The following GRAMD2B variants were observed in gnomAD, a reference collection of about 807,000 sequenced individuals.
GRAMD2B encodes GRAM domain containing 2B.
GRAMD2B carries 41 observed loss-of-function variants against 59.2 expected under a neutral mutation model. The observed-to-expected ratio is 0.69, with a 90% CI of 0.54 to 0.90. GRAMD2B has a LOEUF of 0.90. Ranked by LOEUF, GRAMD2B falls within the 40% of genes least tolerant of loss-of-function variation. The probability of loss-of-function intolerance (pLI) is 0.00; values close to 1 mark genes in which losing one functional copy is unlikely to be tolerated. For missense variants in GRAMD2B, 424 were observed against 500.5 expected (o/e 0.85, Z 1.46); for synonymous variants, 161 against 182.7 (o/e 0.88, Z 0.96).
At chr5:126,436,332 T>C (rs1217003900) in intron 1 of GRAMD2B, among the ~76,000 whole-genome samples, 6 of 152,200 alleles carry the variant, frequency 3.9e-5, no homozygotes, top group Admixed American at 2.6e-4. Flanking sequence ...GTTATTAGCA[T>C]GTATTAGGCA....
chr5:126,364,248 A>G (rs1013320511), intron 1 of GRAMD2B, among the ~76,000 whole-genome samples: 2 of 152,260 alleles, frequency 1.3e-5, no homozygotes, highest in Admixed American at 1.3e-4. Context: ...GTAGCACAGT[A>G]AGAATACAAA....
chr5:126,483,819 G>A (rs568402152), intron 9 of GRAMD2B, among the ~76,000 whole-genome samples: 25 of 152,258 alleles, frequency 1.6e-4, no homozygotes, highest in African/African-American at 5.1e-4. Flanking sequence ...TAGACCTAAC[G>A]TTGGGGTGGT....
chr5:126,486,840 C>A, intron 11 of GRAMD2B, 33 bp from the exon 12 acceptor site: 1 of 1,363,524 alleles, frequency 7.3e-7, no homozygotes, highest in Non-Finnish European at 1.0e-6. Context: ...TGGCCGTTAA[C>A]CTAACGAAAG....
intron 6 of GRAMD2B, 67 bp from the exon 7 acceptor site, chr5:126,480,389 C>A: frequency 1.7e-6 from 2 of 1,156,558 alleles, no homozygotes; most frequent in Admixed American, 1.8e-5. Flanking sequence ...AGATACTTTT[C>A]TGAACTCTCA....
intron 1 of GRAMD2B, among the ~76,000 whole-genome samples, chr5:126,456,352 A>C (rs1348531109): frequency 6.6e-6 from 1 of 151,306 alleles, no homozygotes. Context: ...CTGGAACCAC[A>C]GGTGCACACC....
chr5:126,485,847 C>A, intron 11 of GRAMD2B, 74 bp downstream of exon 11: 1 of 835,962 alleles, frequency 1.2e-6, no homozygotes, highest in Non-Finnish European at 1.9e-6. Flanking sequence ...CTTCACACTG[C>A]CAAGACCTAC....
At chr5:126,439,538 C>T (rs1476456326) in intron 1 of GRAMD2B, among the ~76,000 whole-genome samples, 1 of 151,990 alleles carries the variant, frequency 6.6e-6, no homozygotes, top group Non-Finnish European at 1.5e-5. Flanking sequence ...GTTCACCAGG[C>T]TGATCTTGAA....
At chr5:126,375,459 T>C (rs951014659) in intron 1 of GRAMD2B, among the ~76,000 whole-genome samples, 3 of 152,026 alleles carry the variant, frequency 2.0e-5, no homozygotes, top group Non-Finnish European at 4.4e-5. Flanking sequence ...AGCTCTGCCT[T>C]CCTGGGTTCA....
intron 1 of GRAMD2B, among the ~76,000 whole-genome samples, chr5:126,452,034 A>G (rs1456253000): frequency 6.6e-6 from 1 of 152,140 alleles, no homozygotes; most frequent in Non-Finnish European, 1.5e-5. Context: ...CTTCCTAGAC[A>G]GCCTGCAGAA....
intron 1 of GRAMD2B, among the ~76,000 whole-genome samples, chr5:126,402,760 C>T (rs981294870): frequency 2.0e-5 from 3 of 152,040 alleles, no homozygotes; most frequent in African/African-American, 7.2e-5. Context: ...TGTTGAATTA[C>T]AGGCCAAGGA....
intron 1 of GRAMD2B, among the ~76,000 whole-genome samples, chr5:126,391,332 A>AAAAAAAAAAAAAAAAC (rs1554073001): frequency 6.7e-6 from 1 of 149,846 alleles, no homozygotes; most frequent in East Asian, 1.9e-4. Flanking sequence ...AAAAAAAAAA[A>AAAAAAAAAAAAAAAAC]AAAAAAAACT....
intron 1 of GRAMD2B, among the ~76,000 whole-genome samples, chr5:126,414,533 G>T (rs1260288407): frequency 3.9e-5 from 6 of 152,132 alleles, no homozygotes; most frequent in Non-Finnish European, 8.8e-5. Flanking sequence ...GTCAGTCATG[G>T]CTCACTCTAG....
At chr5:126,447,671 G>GAAAAA (rs113356500) in intron 1 of GRAMD2B, among the ~76,000 whole-genome samples, 2 of 120,172 alleles carry the variant, frequency 1.7e-5, no homozygotes, top group African/African-American at 5.8e-5. Context: ...CTCAAAAAAA[G>GAAAAA]AAAAAAAAAA....
intron 1 of GRAMD2B, among the ~76,000 whole-genome samples, chr5:126,437,906 G>T (rs1353170120): frequency 6.6e-6 from 1 of 152,214 alleles, no homozygotes. Context: ...AGCATAGCCT[G>T]TGTAGACTTT....
At position 126,414,517 on chromosome 5, in the gene GRAMD2B, G is replaced by A. The variant is rs550445434; in HGVS notation, c.125+42950G>A. On this transcript the variant is annotated intron_variant, in intron 1 of 8. Coordinates refer to the GRAMD2B transcript ENST00000506445. The stretch of plus-strand genomic sequence containing the variant: ...CTCATCACTCAGGTTGCAGTGTAAT[G>A]GCTCAGTCAGTCATGGCTCACTCTA... Among the ~76,000 whole-genome samples the A allele has an allele frequency of 2.6e-5, 4 of 152,200 alleles. No homozygotes were observed. The South Asian group carries it at 8.3e-4, about 32-fold the overall frequency.
intron 1 of GRAMD2B, among the ~76,000 whole-genome samples, chr5:126,442,782 T>A (rs977946111): frequency 1.3e-5 from 2 of 152,170 alleles, no homozygotes; most frequent in East Asian, 1.9e-4. Flanking sequence ...AGATTTTTTT[T>A]AATTAAAATC....
At chr5:126,386,958 G>T (rs1231593008) in intron 1 of GRAMD2B, among the ~76,000 whole-genome samples, 1 of 152,100 alleles carries the variant, frequency 6.6e-6, no homozygotes, top group Non-Finnish European at 1.5e-5. Flanking sequence ...TTACCTATTT[G>T]TTTTATTATC....
chr5:126,454,514 A>G (rs1454644650), intron 1 of GRAMD2B, among the ~76,000 whole-genome samples: 4 of 152,196 alleles, frequency 2.6e-5, no homozygotes, highest in African/African-American at 9.7e-5. Flanking sequence ...CAAAATCAGA[A>G]TCTTAACAAT....
At chr5:126,450,223 G>A (rs1429467165) in intron 1 of GRAMD2B, among the ~76,000 whole-genome samples, 2 of 152,002 alleles carry the variant, frequency 1.3e-5, no homozygotes, top group Non-Finnish European at 2.9e-5. Context: ...TCTCCACGGG[G>A]GTGGAGAGGG....
Sources: allele counts gnomAD v4.1 joint callset (sites outside exome capture counted in the v4.1 genomes callset), GRCh38; gene constraint gnomAD v4.1.1; transcripts MANE v1.5; gene names NCBI Gene and HGNC (gene_info 2026-07-23, HGNC 2026-07-21).